The following ZFHX3 variants were observed in gnomAD, a reference collection of about 807,000 sequenced individuals.
ZFHX3 encodes zinc finger homeobox 3, also known as zinc finger homeobox protein 3.
In ZFHX3, 42 loss-of-function variants were observed where a neutral mutation model predicts 279.1. The observed-to-expected ratio is 0.15, with a 90% CI of 0.12 to 0.19. The LOEUF (loss-of-function observed/expected upper bound fraction) is 0.19. Among genes scored for constraint, ZFHX3 ranks in the 10% least tolerant of loss-of-function variants. The pLI, the probability that ZFHX3 is intolerant of heterozygous loss-of-function variation, is 1.00. For missense variants in ZFHX3, 4,981 were observed against 4,754.0 expected (o/e 1.05, Z -1.40); for synonymous variants, 2,293 against 1,957.8 (o/e 1.17, Z -4.52).
chr16:73,504,123 TTC>T (rs894734355), intron 2 of ZFHX3: 6 of 152,098 alleles, frequency 3.9e-5, no homozygotes, highest in African/African-American at 1.2e-4. Context: ...CTACCGCCAT[TTC>T]TCTCTTTTTC....
At chr16:73,251,983 TCA>T (rs1254450461) in intron 5 of ZFHX3, among the ~76,000 whole-genome samples, 3 of 88,804 alleles carry the variant, frequency 3.4e-5, no homozygotes, top group Admixed American at 1.1e-4. Context: ...ACATAACACA[TCA>T]CACACACACA....
intron 2 of ZFHX3, among the ~76,000 whole-genome samples, chr16:73,472,744 T>A (rs370983440): frequency 3.3e-5 from 5 of 152,188 alleles, no homozygotes; most frequent in African/African-American, 1.2e-4. Flanking sequence ...GTCCAGCTCC[T>A]TCCTGCCTCA....
At chr16:73,304,742 C>A (rs1032464641) in intron 4 of ZFHX3, among the ~76,000 whole-genome samples, 1 of 152,150 alleles carries the variant, frequency 6.6e-6, no homozygotes, top group Non-Finnish European at 1.5e-5. Context: ...GGAATCCAGG[C>A]GTTCTGTAAG....
chr16:73,248,415 A>G (rs1331474043), intron 5 of ZFHX3, among the ~76,000 whole-genome samples: 1 of 150,928 alleles, frequency 6.6e-6, no homozygotes, highest in Non-Finnish European at 1.5e-5. Flanking sequence ...TGCACTGTGC[A>G]TATAATGTGT....
chr16:73,139,110 G>A (rs1217009809), intron 6 of ZFHX3, among the ~76,000 whole-genome samples: 2 of 152,178 alleles, frequency 1.3e-5, no homozygotes, highest in East Asian at 1.9e-4. Context: ...AGACGAGACA[G>A]ATTCACTAAG....
chr16:73,325,928 A>AACACACACACACACACACAAAC (rs2015678625), intron 3 of ZFHX3, among the ~76,000 whole-genome samples: 1 of 145,492 alleles, frequency 6.9e-6, no homozygotes, highest in African/African-American at 2.5e-5. Flanking sequence ...CACACACACA[A>AACACACACACACACACACAAAC]ACACACACAC....
Position 73,582,714 on chromosome 16 carries a change from T to C in ZFHX3, c.-1547+97466A>G, listed in dbSNP as rs1034577292. Among the ~76,000 whole-genome samples, 6 of 151,940 alleles carry C rather than the reference T, an allele frequency of 3.9e-5. 1 individual carries two copies. Among genetic ancestry groups the C allele is most frequent in the African/African-American group, 1.5e-4 (6 of 41,218 alleles). On this transcript the variant is annotated intron_variant, in intron 2 of 17. Coordinates refer to the ZFHX3 transcript ENST00000641206. ...CTAGTCTCCAACTCCTGACCTCAGGTGATCCACTCACCTTGGCCTCTCAAA... is the reference window on the plus strand; with the variant it reads ...CTAGTCTCCAACTCCTGACCTCAGGCGATCCACTCACCTTGGCCTCTCAAA...
rs752001880 is a variant in ZFHX3, at chr16:73,507,485, CTTTTTTTTTTTTT to C, written c.-1546-51240_-1546-51228del. ...AAATGCGTGAAATTCAGCTCTGCCACTTTTTTTTTTTTTTTTTTTTTTTTTTTTGAGACAGGGT... is the reference window on the plus strand; with the variant it reads ...AAATGCGTGAAATTCAGCTCTGCCACTTTTTTTTTTTTTTTGAGACAGGGT... On this transcript the variant is annotated intron_variant, in intron 2 of 17. Coordinates refer to the ZFHX3 transcript ENST00000641206. Among the ~76,000 whole-genome samples, 5 of 79,792 alleles carry C rather than the reference CTTTTTTTTTTTTT, an allele frequency of 6.3e-5. No homozygotes were observed. The East Asian group carries it at 2.3e-3, about 37-fold the overall frequency. The allele number at this position is 79,792 out of a possible 152,430, so 52.3% of individuals were successfully genotyped here. A position where few individuals can be genotyped will look rare whatever the true frequency, so the allele number is the denominator to read the frequency against.
At chr16:72,880,247 G>A (rs1341675724) in intron 4 of ZFHX3, among the ~76,000 whole-genome samples, 2 of 152,182 alleles carry the variant, frequency 1.3e-5, no homozygotes, top group Non-Finnish European at 2.9e-5. Context: ...ACAAGAAACT[G>A]GCTTCAGATA....
intron 2 of ZFHX3, among the ~76,000 whole-genome samples, chr16:73,515,229 T>C (rs549495047): frequency 3.9e-5 from 6 of 152,324 alleles, no homozygotes; most frequent in South Asian, 2.1e-4. Flanking sequence ...TCTTCTCATC[T>C]TTCTGTTAAA....
At chr16:73,308,101 A>T (rs530295952) in intron 4 of ZFHX3, among the ~76,000 whole-genome samples, 11 of 151,820 alleles carry the variant, frequency 7.2e-5, no homozygotes, top group Non-Finnish European at 1.5e-4. Flanking sequence ...CGATCATTTG[A>T]TTTCTGTAGA....
chr16:73,320,581 A>G (rs1294499266), intron 3 of ZFHX3, among the ~76,000 whole-genome samples: 1 of 152,158 alleles, frequency 6.6e-6, no homozygotes, highest in Non-Finnish European at 1.5e-5. Flanking sequence ...GTGATATTTC[A>G]GTGGGTATTA....
intron 4 of ZFHX3, among the ~76,000 whole-genome samples, chr16:73,267,593 T>G (rs925645441): frequency 6.6e-6 from 1 of 152,120 alleles, no homozygotes. Context: ...ACAGGATGCC[T>G]TTTCCCTCTT....
intron 1 of ZFHX3, among the ~76,000 whole-genome samples, chr16:73,025,150 T>C (rs1169518286): frequency 6.6e-6 from 1 of 151,816 alleles, no homozygotes; most frequent in African/African-American, 2.4e-5. Context: ...AGAAGATGAG[T>C]ATGAGAGCAA....
intron 4 of ZFHX3, among the ~76,000 whole-genome samples, chr16:73,271,737 T>C (rs2014150453): frequency 1.3e-5 from 2 of 152,200 alleles, no homozygotes; most frequent in South Asian, 2.1e-4. Context: ...TCCTGGCTGA[T>C]TGACACCTAC....
At chr16:73,578,061 G>A (rs1348393656) in intron 2 of ZFHX3, among the ~76,000 whole-genome samples, 1 of 152,236 alleles carries the variant, frequency 6.6e-6, no homozygotes, top group Non-Finnish European at 1.5e-5. Flanking sequence ...CCAAATGGAT[G>A]TGTGGCTCTG....
intron 5 of ZFHX3, among the ~76,000 whole-genome samples, chr16:73,238,876 A>C (rs909972263): frequency 7.3e-5 from 11 of 150,466 alleles, no homozygotes; most frequent in African/African-American, 2.2e-4. Context: ...CATTTGACCA[A>C]CTCCTCCTCC....
Position 73,883,618 on chromosome 16 carries a change from G to A in ZFHX3, c.-1608+8033C>T, listed in dbSNP as rs374743938. The stretch of plus-strand genomic sequence containing the variant: ...AAAAATACATCTGCCAGAAAGGCGC[G>A]GTAAAAATCACCTGAAAACAAACAG... On this transcript the variant is annotated intron_variant, in intron 1 of 17. Transcript: ENST00000641206. Among the ~76,000 whole-genome samples, 22 of 151,962 alleles carry A rather than the reference G, an allele frequency of 1.4e-4. 2 individuals carry two copies. The highest frequency in any genetic ancestry group is 3.4e-3 in the Middle Eastern group (1 of 294).
At chr16:73,512,134 C>T (rs910245270) in intron 2 of ZFHX3, among the ~76,000 whole-genome samples, 3 of 151,914 alleles carry the variant, frequency 2.0e-5, no homozygotes, top group African/African-American at 7.3e-5. Flanking sequence ...GTGAGTCTTC[C>T]ATAAGAATGG....
Sources: allele counts gnomAD v4.1 joint callset (sites outside exome capture counted in the v4.1 genomes callset), GRCh38; gene constraint gnomAD v4.1.1; transcripts MANE v1.5; gene names NCBI Gene and HGNC (gene_info 2026-07-23, HGNC 2026-07-21).